LYST: variants seen among roughly 807,000 people sequenced by gnomAD.
LYST encodes lysosomal trafficking regulator.
Under a neutral mutation model 413.6 loss-of-function variants are expected in LYST, and 192 were observed. The observed-to-expected ratio is 0.46, with a 90% confidence interval of 0.41 to 0.52. The LOEUF is 0.52. Ranked by LOEUF, LYST falls within the 20% of genes least tolerant of loss-of-function variation. The pLI is 0.00. For missense variants in LYST, 3,815 were observed against 4,499.9 expected (o/e 0.85, Z 4.35); for synonymous variants, 1,525 against 1,567.3 (o/e 0.97, Z 0.64).
intron 31 of LYST, 86 bp downstream of exon 31, chr1:235,741,336 A>G: frequency 8.9e-7 from 1 of 1,129,046 alleles, no homozygotes; most frequent in Non-Finnish European, 1.3e-6. Context: ...AGGCATGAAC[A>G]TTCAGTTTAA....
chr1:235,758,964 A>G lies in LYST; in HGVS notation c.6881+8T>C, dbSNP rs372075872. 1.2e-4 allele frequency: 195 copies of G among 1,613,754 alleles called. No homozygotes were observed. The highest frequency in any genetic ancestry group is 1.4e-4 in the Non-Finnish European group (170 of 1,179,862). On this transcript the variant is annotated splice_region_variant and intron_variant, in intron 23 of 52. Transcript: ENST00000389793. The stretch of plus-strand genomic sequence containing the variant: ...AGGTGGGAGGAGTGTACAAAAACAC[A>G]TAAGTACCTGTGAGCACTTGCAGTT...
rs1224435357 is a variant in LYST, at chr1:235,734,606, A to G, written c.8412T>C (p.Gly2804=). The G allele has an allele frequency of 2.5e-6, 4 of 1,612,854 alleles. No individual in the cohort carries two copies. In the African/African-American group the frequency reaches 4.0e-5, roughly 16 times the overall value. Residue 2804 remains glycine (G), a synonymous_variant, in exon 32 of 53, where the codon GGT becomes GGC. Transcript: ENST00000389793. ...YLSELIHNHQ[G]ELTEEELGTA... ...TGCCTAGCTCTTCTTCAGTCAATTC[A>G]CCTTGGTGATTATGTATCAACTCTG...
chr1:235,773,819 G>T (rs960932768), intron 19 of LYST, 23 bp downstream of exon 19: 2 of 1,603,422 alleles, frequency 1.2e-6, no homozygotes, highest in Non-Finnish European at 8.5e-7. Context: ...ATAAAAAATG[G>T]AAAAAAAGTA....
intron 48 of LYST, among the ~76,000 whole-genome samples, chr1:235,684,167 T>C (rs1246182454): frequency 6.6e-6 from 1 of 152,178 alleles, no homozygotes; most frequent in Non-Finnish European, 1.5e-5. Flanking sequence ...TTGTAATAGC[T>C]ATGCTCTTGA....
At chr1:235,864,491 C>T (rs973774634) in intron 1 of LYST, among the ~76,000 whole-genome samples, 1 of 152,136 alleles carries the variant, frequency 6.6e-6, no homozygotes, top group African/African-American at 2.4e-5. Context: ...CCACCTCCAC[C>T]AATTCCACTC....
rs1378650808 is a variant in LYST at position 235,686,328 on chromosome 1, T to C, written c.10800+621A>G. 6.6e-6 allele frequency among the ~76,000 whole-genome samples: 1 copy of C among 152,132 alleles called. No homozygotes were observed. Among genetic ancestry groups the C allele is most frequent in the African/African-American group, 2.4e-5 (1 of 41,428 alleles). ...GTTGCAGTGAGCTGAGATTGTGCCA[T>C]TGCATTCCAGCTTAGGCAAGAGAGG... On this transcript the variant is annotated intron_variant, in intron 48 of 52. Coordinates refer to ENST00000389793, the MANE Select transcript of LYST (RefSeq NM_000081.4). The surrounding 1 kb of genome is among the most constrained non-coding windows in gnomAD (Gnocchi z 4.0).
chr1:235,724,306 T>G (rs1172978551), intron 38 of LYST, 126 bp from the exon 39 acceptor site: 1 of 769,878 alleles, frequency 1.3e-6, no homozygotes, highest in Non-Finnish European at 2.1e-6. Context: ...CAGATAAGAT[T>G]ACCTGAAAAC....
intron 2 of LYST, among the ~76,000 whole-genome samples, chr1:235,831,455 G>A (rs1002853230): frequency 3.3e-5 from 5 of 152,192 alleles, no homozygotes; most frequent in Non-Finnish European, 5.9e-5. Context: ...GAAAGGTCAC[G>A]CAGAGATGGG....
intron 21 of LYST, among the ~76,000 whole-genome samples, chr1:235,764,479 T>G (rs1275879032): frequency 6.6e-6 from 1 of 150,754 alleles, no homozygotes; most frequent in East Asian, 1.9e-4. Context: ...TTACTACATT[T>G]CTTTTTTTTT....
At chr1:235,771,984 AGG>A (rs1331010783) in intron 19 of LYST, among the ~76,000 whole-genome samples, 2 of 103,576 alleles carry the variant, frequency 1.9e-5, no homozygotes, top group East Asian at 6.5e-4. Flanking sequence ...GCACTTTGGG[AGG>A]CCAAGGCGGG....
At chr1:235,883,017 C>G (rs1287909570) in intron 1 of LYST, among the ~76,000 whole-genome samples, 5 of 152,056 alleles carry the variant, frequency 3.3e-5, no homozygotes, top group Admixed American at 1.3e-4. Context: ...ACTCTCTGAG[C>G]AAGCAGTCTG....
intron 16 of LYST, among the ~76,000 whole-genome samples, chr1:235,780,262 G>T (rs145868256): frequency 6.6e-6 from 1 of 151,904 alleles, no homozygotes; most frequent in South Asian, 2.1e-4. Context: ...AAATTAGCCC[G>T]GTGTGGTGAT....
chr1:235,860,381 G>T (rs1048332205), intron 1 of LYST, among the ~76,000 whole-genome samples: 1 of 152,066 alleles, frequency 6.6e-6, no homozygotes, highest in African/African-American at 2.4e-5. Context: ...TTTACATTAG[G>T]ATTCACTCTT....
chr1:235,862,727 C>A (rs535662768), intron 1 of LYST, among the ~76,000 whole-genome samples: 25 of 151,424 alleles, frequency 1.7e-4, no homozygotes, highest in African/African-American at 6.1e-4. Context: ...ACCTAGGAGC[C>A]GGAGTTTGCA....
intron 14 of LYST, among the ~76,000 whole-genome samples, chr1:235,782,663 A>T (rs1444180404): frequency 6.6e-6 from 1 of 152,188 alleles, no homozygotes; most frequent in African/African-American, 2.4e-5. Context: ...TTTCTTTGCC[A>T]TTTGACTTCT....
chr1:235,840,775 T>C (rs991806197), intron 1 of LYST, among the ~76,000 whole-genome samples: 1 of 152,190 alleles, frequency 6.6e-6, no homozygotes, highest in Non-Finnish European at 1.5e-5. Context: ...AAAACCAATT[T>C]GGAGACTGGC....
At chr1:235,765,950 C>T (rs1484817709) in intron 21 of LYST, 129 bp downstream of exon 21, 7 of 799,092 alleles carry the variant, frequency 8.8e-6, no homozygotes, top group African/African-American at 1.7e-5. Context: ...ACTCTCTGCC[C>T]TATCCCAACC....
intron 1 of LYST, among the ~76,000 whole-genome samples, chr1:235,837,866 T>TAA (rs1293891695): frequency 2.0e-5 from 3 of 149,996 alleles, no homozygotes; most frequent in Non-Finnish European, 4.4e-5. Flanking sequence ...TAAGTGAGGT[T>TAA]AAAAAAAAAC....
intron 20 of LYST, among the ~76,000 whole-genome samples, chr1:235,768,954 T>C (rs1442212324): frequency 6.6e-6 from 1 of 152,104 alleles, no homozygotes; most frequent in Non-Finnish European, 1.5e-5. Flanking sequence ...TTGGAATTCA[T>C]TCATTTAACA....
Sources: gnomAD v4.1 joint callset for allele counts (sites outside exome capture counted in the v4.1 genomes callset) on GRCh38, gnomAD v4.1.1 for gene constraint, Gnocchi (gnomAD v3.1) non-coding constraint, MANE v1.5 for transcripts, NCBI Gene and HGNC (gene_info 2026-07-23, HGNC 2026-07-21) for gene names.